Variants in TUSC3 observed in about 807,000 individuals in gnomAD.
The protein encoded by TUSC3 is dolichyl-diphosphooligosaccharide--protein glycosyltransferase subunit TUSC3.
Under a neutral mutation model 44.8 loss-of-function variants are expected in TUSC3, and 45 were observed. The observed-to-expected ratio is 1.00, with a 90% CI of 0.79 to 1.29. The LOEUF is 1.29. Among genes scored for constraint, TUSC3 ranks in the 50% most tolerant of loss-of-function variants. The pLI, the probability that TUSC3 is intolerant of heterozygous loss-of-function variation, is 0.00. For missense variants in TUSC3, 519 were observed against 437.9 expected, an observed-to-expected ratio of 1.19 and a Z score of -1.65; for synonymous variants, 212 against 152.9, an observed-to-expected ratio of 1.39 and a Z score of -2.85.
In TUSC3 at chr8:15,675,900, A is replaced by G. The variant is rs556805046; in HGVS notation, c.798+2064A>G. Among the ~76,000 whole-genome samples, 7 of 152,268 alleles carry G rather than the reference A, an allele frequency of 4.6e-5. 1 individual carries two copies. Among genetic ancestry groups the G allele is most frequent in the Middle Eastern group, 3.4e-3 (1 of 292 alleles). ...AGAATAATGCTGCAATGAACATACA[A>G]GTGTATGTGTCTTTTTTGTAGAACA... On this transcript the variant is annotated intron_variant, in intron 6 of 10. Coordinates refer to ENST00000503731, the MANE Select transcript of TUSC3 (RefSeq NM_006765.4).
intron 10 of TUSC3, among the ~76,000 whole-genome samples, chr8:15,763,514 A>C (rs912756373): frequency 2.0e-5 from 3 of 152,148 alleles, no homozygotes; most frequent in East Asian, 3.9e-4. Flanking sequence ...TGTGTTGTCA[A>C]GACTCAAAAA....
At chr8:15,578,937 A>G (rs1356373120) in intron 1 of TUSC3, among the ~76,000 whole-genome samples, 2 of 152,132 alleles carry the variant, frequency 1.3e-5, no homozygotes, top group African/African-American at 2.4e-5. Flanking sequence ...CTGTGAATCC[A>G]TCTGGTCCTG....
intron 1 of TUSC3, among the ~76,000 whole-genome samples, chr8:15,462,536 G>A (rs559354406): frequency 1.2e-4 from 18 of 151,968 alleles, no homozygotes; most frequent in Non-Finnish European, 2.1e-4. Context: ...ATCTCCCTAC[G>A]ATATTAAATT....
chr8:15,542,501 A>T (rs1436570804), intron 1 of TUSC3, among the ~76,000 whole-genome samples: 1 of 151,764 alleles, frequency 6.6e-6, no homozygotes. Context: ...GGTGGAGAAG[A>T]GGGGCCCTTT....
At chr8:15,720,306 C>T (rs1394926364) in intron 6 of TUSC3, among the ~76,000 whole-genome samples, 1 of 150,816 alleles carries the variant, frequency 6.6e-6, no homozygotes, top group East Asian at 2.0e-4. Context: ...GAATTTTGTT[C>T]ATCTGTAGCC....
In TUSC3 at chr8:15,720,265, C is replaced by T. The variant is rs140282944; in HGVS notation, c.799-10401C>T. On this transcript the variant is annotated intron_variant, in intron 6 of 10. Transcript: ENST00000503731. Reference sequence around the variant, plus strand: ...AACATTTCTCATATACCTTGATTCACACTGATAGTTTACCGATTAAATATA... The same window carrying T: ...AACATTTCTCATATACCTTGATTCATACTGATAGTTTACCGATTAAATATA... Among the ~76,000 whole-genome samples, 488 of 150,974 alleles carry T rather than the reference C, an allele frequency of 3.2e-3. 8 individuals are homozygous for T. The East Asian group carries it at 0.035, about 11-fold the overall frequency.
chr8:15,590,030 T>G (rs1803759545), intron 1 of TUSC3, among the ~76,000 whole-genome samples: 1 of 152,230 alleles, frequency 6.6e-6, no homozygotes, highest in Non-Finnish European at 1.5e-5. Context: ...AAATTCCATT[T>G]AAATTTGGAG....
the TUSC3 span, among the ~76,000 whole-genome samples, chr8:15,815,454 G>T: frequency 6.6e-6 from 1 of 152,214 alleles, no homozygotes; most frequent in African/African-American, 2.4e-5. Flanking sequence ...TGCTTTCATT[G>T]AATACAGGAG....
rs572335393 is a variant in TUSC3 at position 15,485,553 on chromosome 8, C to G, written n.189+2070C>G. Among the ~76,000 whole-genome samples the G allele has an allele frequency of 1.9e-3, 288 of 148,962 alleles. 1 individual carries two copies. Among genetic ancestry groups the G allele is most frequent in the Non-Finnish European group, 2.8e-3 (187 of 67,720 alleles). ...GCATTCTCTGCTCCTCCTCATTGGG[C>G]CTACAAACACGAGCTAAACAAAGAG... is the stretch of plus-strand genomic sequence containing the variant. On this transcript the variant is annotated intron_variant and non_coding_transcript_variant, in intron 2 of 5. Coordinates refer to the TUSC3 transcript ENST00000503191.
chr8:15,712,638 C>G (rs753004449), intron 6 of TUSC3, among the ~76,000 whole-genome samples: 19 of 152,070 alleles, frequency 1.2e-4, no homozygotes, highest in Non-Finnish European at 2.4e-4. Flanking sequence ...CGTCTATCTT[C>G]TTGCCAATCC....
At chr8:15,572,447 T>C (rs1802913203) in intron 1 of TUSC3, among the ~76,000 whole-genome samples, 1 of 152,196 alleles carries the variant, frequency 6.6e-6, no homozygotes, top group African/African-American at 2.4e-5. Context: ...ACTGATTTGA[T>C]CTATCCAAAC....
In TUSC3 at chr8:15,568,676, C is replaced by T. The variant is rs114787610; in HGVS notation, c.138+28108C>T. ...GCAGTGCAGTGGTATAATCTTAGCG[C>T]ACTGCAACTTCCATCTGCCAGGTTC... On this transcript the variant is annotated intron_variant, in intron 1 of 10. Coordinates refer to ENST00000503731, the MANE Select transcript of TUSC3 (RefSeq NM_006765.4). Among the ~76,000 whole-genome samples, 407 of 150,378 alleles carry T rather than the reference C, an allele frequency of 2.7e-3. 3 individuals are homozygous for T. The highest frequency in any genetic ancestry group is 9.7e-3 in the African/African-American group (396 of 40,870).
intron 5 of TUSC3, among the ~76,000 whole-genome samples, chr8:15,664,683 G>A (rs1452437782): frequency 4.0e-5 from 6 of 149,586 alleles, no homozygotes; most frequent in African/African-American, 1.5e-4. Context: ...AACAACGTTT[G>A]TAATACTTTT....
intron 1 of TUSC3, among the ~76,000 whole-genome samples, chr8:15,427,683 CTCAG>C (rs1799821285): frequency 7.0e-6 from 1 of 143,092 alleles, no homozygotes. Context: ...CCTTATGCCC[CTCAG>C]TCAAATTCTT....
chr8:15,491,996 C>A (rs374874841), intron 2 of TUSC3, among the ~76,000 whole-genome samples: 6 of 152,316 alleles, frequency 3.9e-5, no homozygotes, highest in Admixed American at 3.3e-4. Flanking sequence ...TCTGAGCAGT[C>A]TCATACCTCC....
In TUSC3 at chr8:15,720,608, C is replaced by T. The variant is rs114235666; in HGVS notation, c.799-10058C>T. Among the ~76,000 whole-genome samples the T allele has an allele frequency of 1.2e-3, 185 of 152,196 alleles. 2 individuals carry two copies. The highest frequency in any genetic ancestry group is 4.2e-3 in the African/African-American group (174 of 41,560). On this transcript the variant is annotated intron_variant, in intron 6 of 10. Coordinates refer to ENST00000503731, the MANE Select transcript of TUSC3 (RefSeq NM_006765.4). ...GAAGCAGTGACTTTCCAGATTTGCT[C>T]ATCAGAATGCAGTGGTCCTGGACAT...
intron 2 of TUSC3, among the ~76,000 whole-genome samples, chr8:15,517,997 C>A (rs1034373877): frequency 2.6e-5 from 4 of 151,874 alleles, no homozygotes; most frequent in African/African-American, 9.7e-5. Context: ...AAAAAACCCC[C>A]ATACACATTC....
At chr8:15,806,235 T>C in the TUSC3 span, 7 of 554,764 alleles carry the variant, frequency 1.3e-5, no homozygotes, top group South Asian at 1.8e-5. Flanking sequence ...AACATTTTGC[T>C]TGTTTGCCAA....
chr8:15,804,652 G>A, the TUSC3 span, among the ~76,000 whole-genome samples: 2 of 152,096 alleles, frequency 1.3e-5, no homozygotes, highest in Non-Finnish European at 2.9e-5. Context: ...CTTTATTACT[G>A]AGTTCTTTAT....
Sources: allele counts gnomAD v4.1 joint callset (sites outside exome capture counted in the v4.1 genomes callset), GRCh38; gene constraint gnomAD v4.1.1; transcripts MANE v1.5; gene names NCBI Gene and HGNC (gene_info 2026-07-23, HGNC 2026-07-21).